Variants in PRPF8 observed in about 807,000 individuals in gnomAD.
PRPF8 encodes the protein pre-mRNA-processing-splicing factor 8.
Under a neutral mutation model 285.9 loss-of-function variants are expected in PRPF8, and 64 were observed. That is an observed-to-expected ratio of 0.22 (90% CI 0.18 to 0.28). The LOEUF (loss-of-function observed/expected upper bound fraction) is 0.28, where lower values mean the gene tolerates loss of function less well. Ranked by LOEUF, PRPF8 falls within the 10% of genes least tolerant of loss-of-function variation. PRPF8 has a pLI of 1.00. For synonymous variants in PRPF8, 1,325 were observed against 1,118.2 expected, an observed-to-expected ratio of 1.18 and a Z score of -3.69; for missense variants, 1,426 against 3,026.7, an observed-to-expected ratio of 0.47 and a Z score of 12.41.
Position 1,681,676 on chromosome 17 carries a change from G to A in PRPF8, c.668C>T (p.Ser223Phe), listed in dbSNP as rs1912933759. ...TGTGAACTGCCAGCGCTGGTAAGTG[G>A]AGCCATTTACATACCTAGGTAAAAA... is the stretch of plus-strand genomic sequence containing the variant. ...LRDSRKYVNGSTYQRWQFTLP... is the reference protein window; with the variant it reads ...LRDSRKYVNGFTYQRWQFTLP... Residue 223 changes from serine (S) to phenylalanine (F), a missense_variant, in exon 6 of 43, where the codon TCC (serine) becomes TTC (phenylalanine). Ser to Phe is a radical substitution (Grantham distance 155). Coordinates refer to ENST00000304992, the MANE Select transcript of PRPF8 (RefSeq NM_006445.4). 4 of 1,614,068 alleles carry A rather than the reference G, an allele frequency of 2.5e-6. No homozygotes were observed. The highest frequency in any genetic ancestry group is 3.4e-6 in the Non-Finnish European group (4 of 1,180,006).
In PRPF8 at chr17:1,678,638, C is replaced by T; in HGVS notation, c.1734G>A (p.Leu578=). ...NVDAFQLADG[L]QYIFAHVGQL... is the part of the protein sequence containing the mutation. ...GCCCAACATGGGCAAATATATACTG[C>T]AATCCATCTGCCAGCTGCAATACAA... The change falls in exon 13 of 43, where the codon TTG becomes TTA. Residue 578 remains leucine (L), a synonymous_variant. Transcript: ENST00000304992. 3 of 1,614,208 alleles carry T rather than the reference C, an allele frequency of 1.9e-6. No homozygotes were observed. The highest frequency in any genetic ancestry group is 2.5e-6 in the Non-Finnish European group (3 of 1,180,042).
In PRPF8 at chr17:1,660,832, G is replaced by A; in HGVS notation, c.4509-5C>T. ...TCAAAGCCACTGGCCTTCTCCCTGG[G>A]GAGCAAGAGAAGCAGGTGAGGTGAT... On this transcript the variant is annotated splice_region_variant and splice_polypyrimidine_tract_variant and intron_variant, in intron 28 of 42. Coordinates refer to ENST00000304992, the MANE Select transcript of PRPF8 (RefSeq NM_006445.4). The A allele has an allele frequency of 6.2e-7, 1 of 1,613,826 alleles. No individual in the cohort carries two copies. The highest frequency in any genetic ancestry group is 8.5e-7 in the Non-Finnish European group (1 of 1,180,028).
chr17:1,667,217 G>C (rs368298575), intron 24 of PRPF8, among the ~76,000 whole-genome samples: 3 of 152,142 alleles, frequency 2.0e-5, no homozygotes, highest in African/African-American at 7.2e-5. Context: ...CTAGATACTG[G>C]GGTAAAGGCA....
chr17:1,663,296 AT>A (rs1479083839), intron 24 of PRPF8, among the ~76,000 whole-genome samples: 1 of 152,018 alleles, frequency 6.6e-6, no homozygotes, highest in Admixed American at 6.6e-5. Flanking sequence ...AGCAGAAAAA[AT>A]AATTTAAAAA....
At position 1,675,402 on chromosome 17, in the gene PRPF8, G is replaced by A. The variant is rs1445312983; in HGVS notation, c.2873-63C>T. On this transcript the variant is annotated intron_variant, in intron 19 of 42. Coordinates refer to ENST00000304992, the MANE Select transcript of PRPF8 (RefSeq NM_006445.4). The surrounding 1 kb of genome is among the most constrained non-coding windows in gnomAD (Gnocchi z 6.0). ...ATCCTCTTGCAAGACTAGCCCCACA[G>A]GAACTATCATTACCTTCCATAACCA... 5 of 1,575,890 alleles carry A rather than the reference G, an allele frequency of 3.2e-6. No homozygotes were observed. Among genetic ancestry groups the A allele is most frequent in the Non-Finnish European group, 1.7e-6 (2 of 1,147,256 alleles).
rs374023352 is a variant in PRPF8, at chr17:1,666,392, C to G, written c.3775-4239G>C. ...GGCGAAACTGTCTGTATCCAAAATA[C>G]AAAGAAAAATCAGCCAGGCATGGTG... On this transcript the variant is annotated intron_variant, in intron 24 of 42. Coordinates refer to ENST00000304992, the MANE Select transcript of PRPF8 (RefSeq NM_006445.4). Among the ~76,000 whole-genome samples, 93 of 151,442 alleles carry G rather than the reference C, an allele frequency of 6.1e-4. 2 individuals are homozygous for G. The East Asian group carries it at 0.014, about 23-fold the overall frequency.
chr17:1,654,811 T>C (rs1396909577), intron 37 of PRPF8: 2 of 163,864 alleles, frequency 1.2e-5, no homozygotes, highest in Admixed American at 5.6e-5. Context: ...TTTTTTTTTT[T>C]GGTAGAGATG....
In PRPF8 at chr17:1,675,789, C is replaced by T. The variant is rs1472813794; in HGVS notation, c.2703G>A (p.Leu901=). The change falls in exon 19 of 43, where the codon CTG becomes CTA. Residue 901 remains leucine (L), a synonymous_variant. Coordinates refer to ENST00000304992, the MANE Select transcript of PRPF8 (RefSeq NM_006445.4). This position sits in a 1 kb window ranked among gnomAD's most constrained non-coding sequence, Gnocchi z 6.0. ...FKEVGIEFMD[L]YSHLVPVYDV... ...CATATACTGGAACGAGGTGGCTATA[C>T]AGATCCATGAACTCAATGCCCACCT... 1.2e-6 allele frequency: 2 copies of T among 1,614,062 alleles called. No homozygotes were observed. Among genetic ancestry groups the T allele is most frequent in the East Asian group, 4.5e-5 (2 of 44,896 alleles).
chr17:1,675,131 G>A lies in PRPF8; in HGVS notation c.3060+21C>T. The A allele has an allele frequency of 6.2e-7, 1 of 1,612,492 alleles. No individual in the cohort carries two copies. The highest frequency in any genetic ancestry group is 8.5e-7 in the Non-Finnish European group (1 of 1,179,954). On this transcript the variant is annotated intron_variant, in intron 20 of 42. Coordinates refer to ENST00000304992, the MANE Select transcript of PRPF8 (RefSeq NM_006445.4). The surrounding 1 kb of genome is among the most constrained non-coding windows in gnomAD (Gnocchi z 6.0). ...ACAAGCACTCCACACACAATTCCAT[G>A]CTACTGCGCCTGAGACGCACCTTAT...
chr17:1,673,572 C>A lies in PRPF8; in HGVS notation c.3447-5G>T. On this transcript the variant is annotated splice_polypyrimidine_tract_variant and splice_region_variant and intron_variant, in intron 22 of 42. Coordinates refer to ENST00000304992, the MANE Select transcript of PRPF8 (RefSeq NM_006445.4). The surrounding 1 kb of genome is among the most constrained non-coding windows in gnomAD (Gnocchi z 5.5). ...TCCCAGAATACCGCCCGGCCTCTGC[C>A]CACAGAGAACACATGGTCACAGCAG... is the stretch of plus-strand genomic sequence containing the variant. The A allele has an allele frequency of 1.2e-6, 2 of 1,613,994 alleles. No individual in the cohort carries two copies. The highest frequency in any genetic ancestry group is 1.7e-6 in the Non-Finnish European group (2 of 1,180,022).
In PRPF8 at chr17:1,653,982, G is replaced by A. The variant is rs749557039; in HGVS notation, c.6022C>T (p.Arg2008Ter). The A allele has an allele frequency of 1.2e-6, 2 of 1,614,164 alleles. No homozygotes were observed. The highest frequency in any genetic ancestry group is 8.5e-7 in the Non-Finnish European group (1 of 1,180,038). The stretch of plus-strand genomic sequence containing the variant: ...ATCTCCATACCCAGGATGATGTCTC[G>A]AATTTCTGATTGTGTCAGTGATGCC... ...NVASLTQSEI[R>*]DIILGMEISA... The change falls in exon 38 of 43, where the codon CGA (arginine) becomes TGA (stop). Residue 2008 changes from arginine (R) to a stop codon, truncating the protein, a stop_gained. Transcript: ENST00000304992. LOFTEE classifies it high-confidence loss of function. The surrounding 1 kb of genome is among the most constrained non-coding windows in gnomAD (Gnocchi z 4.9).
At chr17:1,655,313 T>C (rs375245586) in intron 37 of PRPF8, 37 bp downstream of exon 37, 41 of 1,610,654 alleles carry the variant, frequency 2.5e-5, no homozygotes, top group African/African-American at 2.5e-4. Flanking sequence ...AAACCGTATA[T>C]AGACCTCCTG....
In PRPF8 at chr17:1,675,439, A is replaced by G; in HGVS notation, c.2873-100T>C. On this transcript the variant is annotated intron_variant, in intron 19 of 42. Coordinates refer to ENST00000304992, the MANE Select transcript of PRPF8 (RefSeq NM_006445.4). The surrounding 1 kb of genome is among the most constrained non-coding windows in gnomAD (Gnocchi z 6.0). ...ACCTTCCATAACCAATCCCACTATG[A>G]TTCCACGTATTCATTTGGATTGCTT... 1 of 1,472,688 alleles carries G rather than the reference A, an allele frequency of 6.8e-7. No individual in the cohort carries two copies. The highest frequency in any genetic ancestry group is 9.5e-7 in the Non-Finnish European group (1 of 1,055,842). The allele number at this position is 1,472,688 out of a possible 1,614,324, so 91.2% of individuals were successfully genotyped here. A position where few individuals can be genotyped will look rare whatever the true frequency, so the allele number is the denominator to read the frequency against.
At chr17:1,652,565 A>C (rs1911141827) in intron 39 of PRPF8, among the ~76,000 whole-genome samples, 1 of 152,022 alleles carries the variant, frequency 6.6e-6, no homozygotes, top group Admixed American at 6.6e-5. Flanking sequence ...CTCTTTTTTG[A>C]AGCAGGGTAT....
At position 1,658,043 on chromosome 17, in the gene PRPF8, G is replaced by A. The variant is rs1253776859; in HGVS notation, c.5505+210C>T. Among the ~76,000 whole-genome samples the A allele has an allele frequency of 6.6e-6, 1 of 151,440 alleles. No individual in the cohort carries two copies. Among genetic ancestry groups the A allele is most frequent in the African/African-American group, 2.4e-5 (1 of 41,170 alleles). On this transcript the variant is annotated intron_variant, in intron 34 of 42. Coordinates refer to ENST00000304992, the MANE Select transcript of PRPF8 (RefSeq NM_006445.4). The surrounding 1 kb of genome is among the most constrained non-coding windows in gnomAD (Gnocchi z 4.1). ...TTTTTGATAGCCCTGTTCAAGGTTAGAAATTCAGGAAACAGACCAGCTGGA... is the reference window on the plus strand; with the variant it reads ...TTTTTGATAGCCCTGTTCAAGGTTAAAAATTCAGGAAACAGACCAGCTGGA...
rs1299650531 is a variant in PRPF8, at chr17:1,679,173, G to A, written c.1443C>T (p.Phe481=). 1.2e-6 allele frequency: 2 copies of A among 1,614,194 alleles called. No individual in the cohort carries two copies. The highest frequency in any genetic ancestry group is 1.7e-5 in the Admixed American group (1 of 60,026). ...CCCAGTCCAGCTTTGTGGACTGAAA[G>A]AATTTGGTGGCTTTGAAGGAGCGGA... ...YLFRSFKATK[F]FQSTKLDWVE... is the part of the protein sequence containing the mutation. The change falls in exon 11 of 43, where the codon TTC becomes TTT. Residue 481 remains phenylalanine, a synonymous_variant. Transcript: ENST00000304992. The surrounding 1 kb of genome is among the most constrained non-coding windows in gnomAD (Gnocchi z 4.7).
intron 21 of PRPF8, among the ~76,000 whole-genome samples, 199 bp downstream of exon 21, chr17:1,674,243 C>T (rs1376517323): frequency 3.9e-5 from 6 of 152,074 alleles, no homozygotes; most frequent in East Asian, 1.9e-4. Flanking sequence ...AGGATGGTCT[C>T]GATCTCCTGA....
chr17:1,662,198 C>T (rs368083510), intron 24 of PRPF8, 45 bp from the exon 25 acceptor site: 104 of 1,611,184 alleles, frequency 6.5e-5, no homozygotes, highest in African/African-American at 4.7e-4. Context: ...GAGCCAGGGG[C>T]GGGGAGGGTG....
chr17:1,652,124 G>T, intron 39 of PRPF8: 1 of 439,612 alleles, frequency 2.3e-6, no homozygotes, highest in Non-Finnish European at 4.2e-6. Context: ...TGGAAAACCA[G>T]CACTTGGTGC....
Sources: allele counts gnomAD v4.1 joint callset (sites outside exome capture counted in the v4.1 genomes callset), GRCh38; gene constraint gnomAD v4.1.1; non-coding constraint Gnocchi (gnomAD v3.1); transcripts MANE v1.5; gene names NCBI Gene and HGNC (gene_info 2026-07-23, HGNC 2026-07-21).